Variants in CPB2 observed in about 807,000 individuals in gnomAD.
The protein encoded by CPB2 is carboxypeptidase B2.
A neutral mutation model predicts 57.0 loss-of-function variants in CPB2; 54 were observed. The ratio of observed to expected loss-of-function variants is 0.95; its 90% CI spans 0.76 to 1.19. The LOEUF (loss-of-function observed/expected upper bound fraction) is 1.19. Among genes scored for constraint, CPB2 ranks in the 50% most tolerant of loss-of-function variants. CPB2 has a pLI of 0.00. For synonymous variants in CPB2, 189 were observed against 178.1 expected (o/e 1.06, Z -0.49); for missense variants, 426 against 512.0 (o/e 0.83, Z 1.62).
At chr13:46,069,549 C>G (rs1014265143) in intron 6 of CPB2, among the ~76,000 whole-genome samples, 1 of 152,126 alleles carries the variant, frequency 6.6e-6, no homozygotes, top group Non-Finnish European at 1.5e-5. Flanking sequence ...CTTTCTGTCT[C>G]TGTGGATTTG....
chr13:46,091,836 C>T (rs981336038), intron 1 of CPB2, among the ~76,000 whole-genome samples: 4 of 152,180 alleles, frequency 2.6e-5, no homozygotes, highest in African/African-American at 9.7e-5. Context: ...TAGCAAATGT[C>T]CTCATTTCTG....
At chr13:46,080,503 C>A (rs1021314889) in intron 4 of CPB2, among the ~76,000 whole-genome samples, 4 of 152,120 alleles carry the variant, frequency 2.6e-5, no homozygotes, top group Admixed American at 2.6e-4. Flanking sequence ...ATGTTCAATC[C>A]CTAACTCCCA....
At chr13:46,086,795 C>T (rs1310666010) in intron 2 of CPB2, among the ~76,000 whole-genome samples, 2 of 152,216 alleles carry the variant, frequency 1.3e-5, no homozygotes, top group South Asian at 4.1e-4. Context: ...CAGCCACCCC[C>T]TTGGCTTCCC....
At chr13:46,063,538 T>C (rs1316746414) in intron 8 of CPB2, among the ~76,000 whole-genome samples, 1 of 152,202 alleles carries the variant, frequency 6.6e-6, no homozygotes, top group Non-Finnish European at 1.5e-5. Context: ...CCATGATGTA[T>C]ATTTACCACA....
At chr13:46,074,347 G>C (rs2044989021) in intron 5 of CPB2, among the ~76,000 whole-genome samples, 1 of 152,214 alleles carries the variant, frequency 6.6e-6, no homozygotes, top group Non-Finnish European at 1.5e-5. Context: ...ATGGGTGTGA[G>C]TTGGATGGCA....
intron 1 of CPB2, 81 bp from the exon 2 acceptor site, chr13:46,087,901 G>T: frequency 1.1e-6 from 1 of 927,400 alleles, no homozygotes; most frequent in Non-Finnish European, 1.7e-6. Context: ...GAGCTTTTAG[G>T]TAATTGCAAA....
At chr13:46,070,478 A>G (rs1445489368) in intron 6 of CPB2, among the ~76,000 whole-genome samples, 3 of 152,104 alleles carry the variant, frequency 2.0e-5, no homozygotes, top group Non-Finnish European at 2.9e-5. Flanking sequence ...GCCTGTGGTC[A>G]ATGATTACTC....
intron 4 of CPB2, among the ~76,000 whole-genome samples, chr13:46,079,535 C>CAAAAAAAAAAAAAAA (rs58164990): frequency 6.7e-4 from 74 of 110,918 alleles, no homozygotes; most frequent in Non-Finnish European, 9.5e-4. Context: ...AAGGAAAAAG[C>CAAAAAAAAAAAAAAA]AAAAAAAAAA....
At chr13:46,071,484 T>C (rs1031778536) in intron 6 of CPB2, among the ~76,000 whole-genome samples, 3 of 151,852 alleles carry the variant, frequency 2.0e-5, no homozygotes, top group Non-Finnish European at 4.4e-5. Flanking sequence ...TGAGATGAGG[T>C]TTAGTAGAAC....
At chr13:46,103,015 T>C (rs1009155476) in intron 1 of CPB2, among the ~76,000 whole-genome samples, 1 of 152,212 alleles carries the variant, frequency 6.6e-6, no homozygotes, top group Non-Finnish European at 1.5e-5. Flanking sequence ...ACAAAGCCCA[T>C]GCATGAAGAT....
intron 6 of CPB2, among the ~76,000 whole-genome samples, chr13:46,069,924 GAA>G (rs1381530735): frequency 1.3e-5 from 2 of 152,244 alleles, no homozygotes; most frequent in Admixed American, 1.3e-4. Flanking sequence ...CAAAGTGACT[GAA>G]GAAATTTTGC....
chr13:46,062,733 G>A (rs2044793524), intron 8 of CPB2, among the ~76,000 whole-genome samples: 1 of 152,114 alleles, frequency 6.6e-6, no homozygotes, highest in African/African-American at 2.4e-5. Context: ...ATGGGTATTG[G>A]TTTCTGTCTG....
chr13:46,103,079 G>A (rs190078243), intron 1 of CPB2, among the ~76,000 whole-genome samples: 22 of 152,144 alleles, frequency 1.4e-4, no homozygotes, highest in South Asian at 6.2e-4. Flanking sequence ...TTCTATTTGC[G>A]TTATATTTAG....
At chr13:46,057,740 T>C (rs527443674) in intron 9 of CPB2, among the ~76,000 whole-genome samples, 1 of 152,180 alleles carries the variant, frequency 6.6e-6, no homozygotes, top group Non-Finnish European at 1.5e-5. Flanking sequence ...GTTAGGGAAG[T>C]CAGGGCAGGA....
chr13:46,074,224 G>A (rs1331082535), intron 5 of CPB2, among the ~76,000 whole-genome samples: 1 of 132,816 alleles, frequency 7.5e-6, no homozygotes, highest in Admixed American at 7.4e-5. Context: ...ATTTAAAACT[G>A]TTTTTATCCT....
intron 5 of CPB2, among the ~76,000 whole-genome samples, chr13:46,075,134 A>C (rs570521683): frequency 5.6e-4 from 86 of 152,228 alleles, no homozygotes; most frequent in Non-Finnish European, 1.1e-3. Flanking sequence ...AAAGAGTTAG[A>C]TATTTAGATT....
chr13:46,061,266 A>G (rs2044768978), intron 8 of CPB2, among the ~76,000 whole-genome samples: 1 of 152,250 alleles, frequency 6.6e-6, no homozygotes, highest in Admixed American at 6.5e-5. Context: ...AGAATTTTCC[A>G]TTCAAGCCAG....
intron 7 of CPB2, 90 bp downstream of exon 7, chr13:46,067,217 G>C: frequency 1.6e-6 from 1 of 612,688 alleles, no homozygotes; most frequent in Non-Finnish European, 2.9e-6. Context: ...AAGCCATTGT[G>C]CCTAGATCCA....
chr13:46,103,682 T>C (rs1281326242), intron 1 of CPB2, among the ~76,000 whole-genome samples: 1 of 152,182 alleles, frequency 6.6e-6, no homozygotes, highest in Non-Finnish European at 1.5e-5. Flanking sequence ...AGCAGAGGTT[T>C]CCTCCCTTTC....
Sources: gnomAD v4.1 joint callset for allele counts (sites outside exome capture counted in the v4.1 genomes callset) on GRCh38, gnomAD v4.1.1 for gene constraint, MANE v1.5 for transcripts, NCBI Gene and HGNC (gene_info 2026-07-23, HGNC 2026-07-21) for gene names.